The following TBC1D22A variants were observed in gnomAD, a reference collection of about 807,000 sequenced individuals.
TBC1D22A encodes putative GTPase activator.
TBC1D22A carries 38 observed loss-of-function variants against 60.2 expected under a neutral mutation model. The ratio of observed to expected loss-of-function variants is 0.63; its 90% CI spans 0.49 to 0.83. TBC1D22A has a LOEUF of 0.83. Ranked by LOEUF, TBC1D22A falls within the 40% of genes least tolerant of loss-of-function variation. The probability of loss-of-function intolerance (pLI) is 0.00; values close to 1 mark genes in which losing one functional copy is unlikely to be tolerated. For synonymous variants in TBC1D22A, 302 were observed against 281.7 expected (o/e 1.07, Z -0.72); for missense variants, 628 against 701.0 (o/e 0.90, Z 1.18).
intron 12 of TBC1D22A, among the ~76,000 whole-genome samples, chr22:47,120,710 C>T (rs1455790614): frequency 6.6e-6 from 1 of 152,234 alleles, no homozygotes; most frequent in Non-Finnish European, 1.5e-5. Context: ...TTCATGCTTG[C>T]CTGAGGCTTA....
At chr22:46,895,763 T>C (rs937127926) in intron 7 of TBC1D22A, among the ~76,000 whole-genome samples, 3 of 152,356 alleles carry the variant, frequency 2.0e-5, no homozygotes, top group African/African-American at 7.2e-5. Context: ...CTTCGTCTTC[T>C]TCCTGTTGGA....
chr22:46,948,142 TAAAAAC>T (rs2072666320), intron 8 of TBC1D22A, among the ~76,000 whole-genome samples: 2 of 152,046 alleles, frequency 1.3e-5, no homozygotes, highest in South Asian at 4.1e-4. Flanking sequence ...ACAAAGCAAA[TAAAAAC>T]AAACCTGCAT....
chr22:46,870,698 C>T (rs1207342153), intron 4 of TBC1D22A, among the ~76,000 whole-genome samples: 1 of 152,166 alleles, frequency 6.6e-6, no homozygotes, highest in African/African-American at 2.4e-5. Flanking sequence ...AAGGTGCCGG[C>T]ATCTGGTGAA....
intron 10 of TBC1D22A, among the ~76,000 whole-genome samples, chr22:47,004,617 G>A (rs1320364025): frequency 2.0e-5 from 3 of 147,352 alleles, no homozygotes; most frequent in African/African-American, 5.1e-5. Context: ...ATACACACCT[G>A]CCATATACAC....
intron 9 of TBC1D22A, among the ~76,000 whole-genome samples, chr22:46,977,441 C>T (rs1409103067): frequency 6.6e-6 from 1 of 152,092 alleles, no homozygotes; most frequent in Non-Finnish European, 1.5e-5. Flanking sequence ...AAGCTCAGAG[C>T]CTGGTGGGAT....
At chr22:46,985,605 A>G (rs1194683467) in intron 9 of TBC1D22A, among the ~76,000 whole-genome samples, 1 of 152,166 alleles carries the variant, frequency 6.6e-6, no homozygotes, top group Non-Finnish European at 1.5e-5. Context: ...ATTCCTTTTA[A>G]TTACTAAGTA....
At chr22:47,029,039 T>C (rs2062362297) in intron 10 of TBC1D22A, among the ~76,000 whole-genome samples, 1 of 152,232 alleles carries the variant, frequency 6.6e-6, no homozygotes, top group Non-Finnish European at 1.5e-5. Flanking sequence ...TCAGGTTTGA[T>C]TATTCATTAG....
chr22:47,042,966 C>T (rs901234435), intron 11 of TBC1D22A, among the ~76,000 whole-genome samples: 6 of 152,224 alleles, frequency 3.9e-5, no homozygotes, highest in Non-Finnish European at 8.8e-5. Context: ...TCTCTCAGGA[C>T]AGAGCTTGAT....
At chr22:46,850,098 C>T (rs533562185) in intron 4 of TBC1D22A, among the ~76,000 whole-genome samples, 2 of 152,312 alleles carry the variant, frequency 1.3e-5, no homozygotes, top group Non-Finnish European at 2.9e-5. Flanking sequence ...TGCATGCCTG[C>T]TGTGTGCTGG....
chr22:46,902,657 G>A (rs549139086), intron 7 of TBC1D22A, among the ~76,000 whole-genome samples: 3 of 152,342 alleles, frequency 2.0e-5, no homozygotes, highest in East Asian at 1.9e-4. Context: ...CTGACTCTTC[G>A]CCTCCACTCA....
At position 47,175,283 on chromosome 22, in the gene TBC1D22A, C is replaced by T. The variant is rs773163687; in HGVS notation, c.*1657C>T. The T allele has an allele frequency of 6.6e-6, 1 of 152,406 alleles. No individual in the cohort carries two copies. Among genetic ancestry groups the T allele is most frequent in the Non-Finnish European group, 1.5e-5 (1 of 68,152 alleles). 9.4% of individuals were successfully genotyped at this position (152,406 alleles called of 1,614,324 possible). A position where few individuals can be genotyped will look rare whatever the true frequency, so the allele number is the denominator to read the frequency against. ...ACCCCTGCCTTCCGTGTCCCCACCC[C>T]AGGGTCAAGGGTTCCTCAGACCAGC... On this transcript the variant is annotated 3_prime_UTR_variant, in exon 13 of 13. Coordinates refer to ENST00000337137, the MANE Select transcript of TBC1D22A (RefSeq NM_014346.5).
intron 10 of TBC1D22A, among the ~76,000 whole-genome samples, chr22:47,005,476 G>A (rs914634920): frequency 6.7e-6 from 1 of 149,864 alleles, no homozygotes; most frequent in Non-Finnish European, 1.5e-5. Flanking sequence ...ATATACACAC[G>A]CATACCTACA....
chr22:47,051,389 CTG>C (rs1166378824), intron 11 of TBC1D22A, among the ~76,000 whole-genome samples: 1 of 152,178 alleles, frequency 6.6e-6, no homozygotes, highest in African/African-American at 2.4e-5. Flanking sequence ...TTGGAAAATA[CTG>C]TCTTTCCGTC....
chr22:46,932,198 A>C (rs1361782352), intron 8 of TBC1D22A, among the ~76,000 whole-genome samples: 3 of 152,172 alleles, frequency 2.0e-5, no homozygotes, highest in Non-Finnish European at 4.4e-5. Context: ...AGGTCATTAC[A>C]TGATCACCTG....
intron 10 of TBC1D22A, among the ~76,000 whole-genome samples, chr22:47,033,824 G>A (rs908318872): frequency 1.3e-5 from 2 of 152,148 alleles, no homozygotes; most frequent in African/African-American, 4.8e-5. Flanking sequence ...CAGGAGGCAT[G>A]GCATTGCAGG....
chr22:47,045,908 G>A (rs1246020532), intron 11 of TBC1D22A, among the ~76,000 whole-genome samples: 1 of 152,148 alleles, frequency 6.6e-6, no homozygotes, highest in Non-Finnish European at 1.5e-5. Context: ...CCCACACCTG[G>A]CACTGCACCC....
rs552272903 is a variant in TBC1D22A at position 46,934,878 on chromosome 22, C to T, written c.1015+22690C>T. ...CCTCCCTGGGCTCAGGGGCCATCAG[C>T]GTGTGGTGGCCACAGCGTTTTCACA... On this transcript the variant is annotated intron_variant, in intron 8 of 12. Transcript: ENST00000337137. Among the ~76,000 whole-genome samples, 6 of 152,296 alleles carry T rather than the reference C, an allele frequency of 3.9e-5. No individual in the cohort carries two copies. In the South Asian group the frequency reaches 8.3e-4, roughly 21 times the overall value.
intron 4 of TBC1D22A, among the ~76,000 whole-genome samples, chr22:46,815,515 A>G (rs1250841744): frequency 1.3e-5 from 2 of 152,218 alleles, no homozygotes; most frequent in Non-Finnish European, 2.9e-5. Flanking sequence ...CAGACTTTCT[A>G]AATTCTTCAG....
At chr22:46,903,491 T>C (rs752687015) in intron 7 of TBC1D22A, among the ~76,000 whole-genome samples, 1 of 152,186 alleles carries the variant, frequency 6.6e-6, no homozygotes, top group African/African-American at 2.4e-5. Context: ...TCTTCCTGTT[T>C]CGCTTCAGTG....
Sources: allele counts gnomAD v4.1 joint callset (sites outside exome capture counted in the v4.1 genomes callset), GRCh38; gene constraint gnomAD v4.1.1; transcripts MANE v1.5; gene names NCBI Gene and HGNC (gene_info 2026-07-23, HGNC 2026-07-21).